Variants in PRKG1 observed in about 807,000 individuals in gnomAD.
PRKG1 encodes cGMP-dependent protein kinase 1.
Under a neutral mutation model 88.1 loss-of-function variants are expected in PRKG1, and 35 were observed. The observed-to-expected ratio is 0.40, with a 90% CI of 0.30 to 0.53. The LOEUF (loss-of-function observed/expected upper bound fraction) is 0.53. PRKG1 is among the 20% of genes least tolerant of loss of function. PRKG1 has a pLI of 0.59. For missense variants in PRKG1, 540 were observed against 839.8 expected (o/e 0.64, Z 4.41); for synonymous variants, 303 against 292.5 (o/e 1.04, Z -0.37).
intron 5 of PRKG1, among the ~76,000 whole-genome samples, chr10:51,946,533 T>A (rs1043647277): frequency 3.3e-5 from 5 of 152,080 alleles, no homozygotes; most frequent in Non-Finnish European, 5.9e-5. Flanking sequence ...GAGGAGAGGC[T>A]CTCTGCTTTT....
intron 2 of PRKG1, among the ~76,000 whole-genome samples, chr10:51,242,162 G>A (rs1839172355): frequency 6.6e-6 from 1 of 152,084 alleles, no homozygotes. Flanking sequence ...AGCACATACA[G>A]GATAAAAGAC....
In PRKG1 at chr10:51,701,330, C is replaced by T. The variant is rs1841459959; in HGVS notation, c.593-103255C>T. On this transcript the variant is annotated intron_variant, in intron 3 of 17. Coordinates refer to ENST00000373980, the MANE Select transcript of PRKG1 (RefSeq NM_006258.4). ...AATTGTATTATGTATCTTCAGTATC[C>T]TATTCCAATGAATAGATTTGACATG... is the stretch of plus-strand genomic sequence containing the variant. Among the ~76,000 whole-genome samples the T allele has an allele frequency of 2.6e-5, 4 of 152,252 alleles. No homozygotes were observed. The South Asian group carries it at 8.3e-4, about 32-fold the overall frequency.
intron 2 of PRKG1, among the ~76,000 whole-genome samples, chr10:51,384,813 C>T (rs1431708853): frequency 1.2e-4 from 18 of 152,134 alleles, no homozygotes; most frequent in Admixed American, 1.2e-3. Context: ...CCCCGTAGCT[C>T]TTATAATGAT....
At chr10:51,792,314 G>GA (rs1037596493) in intron 3 of PRKG1, among the ~76,000 whole-genome samples, 1 of 151,804 alleles carries the variant, frequency 6.6e-6, no homozygotes, top group Non-Finnish European at 1.5e-5. Context: ...ATTTCTTAGA[G>GA]AAAAAAAATT....
At chr10:51,946,320 T>C (rs1843033287) in intron 5 of PRKG1, among the ~76,000 whole-genome samples, 1 of 152,108 alleles carries the variant, frequency 6.6e-6, no homozygotes, top group African/African-American at 2.4e-5. Flanking sequence ...TCAGCTCCTT[T>C]AAGCACTTCT....
intron 1 of PRKG1, among the ~76,000 whole-genome samples, chr10:51,027,205 T>G (rs903672315): frequency 6.6e-6 from 1 of 152,188 alleles, no homozygotes; most frequent in African/African-American, 2.4e-5. Flanking sequence ...AACACTCTGC[T>G]GGGGAAATGT....
At chr10:51,178,703 T>C (rs1033257090) in intron 2 of PRKG1, among the ~76,000 whole-genome samples, 3 of 152,150 alleles carry the variant, frequency 2.0e-5, no homozygotes, top group African/African-American at 7.2e-5. Context: ...AACATGTTTA[T>C]ACTGTGGTGG....
chr10:52,170,427 A>G (rs1008221532), intron 9 of PRKG1, among the ~76,000 whole-genome samples: 1 of 152,182 alleles, frequency 6.6e-6, no homozygotes, highest in African/African-American at 2.4e-5. Context: ...AACCAGAGAT[A>G]AGGCTAGTAT....
At chr10:51,374,093 A>ATATATATATATAT (rs1554801054) in intron 2 of PRKG1, among the ~76,000 whole-genome samples, 5 of 100,142 alleles carry the variant, frequency 5.0e-5, no homozygotes, top group Admixed American at 9.9e-5. Context: ...AAAAAAAAAA[A>ATATATATATATAT]ATATATATAT....
chr10:51,847,985 A>T (rs1007531166), intron 4 of PRKG1, among the ~76,000 whole-genome samples: 7 of 148,844 alleles, frequency 4.7e-5, no homozygotes, highest in African/African-American at 1.7e-4. Flanking sequence ...TTTTAAAAGT[A>T]TTTACTACTT....
intron 3 of PRKG1, among the ~76,000 whole-genome samples, chr10:51,754,832 A>G (rs753665117): frequency 2.5e-4 from 38 of 152,248 alleles, no homozygotes; most frequent in Middle Eastern, 3.4e-3. Context: ...AACAAGGGCT[A>G]GTTTAGGTCA....
chr10:51,465,494 A>G (rs1389190949), intron 2 of PRKG1, among the ~76,000 whole-genome samples: 1 of 152,238 alleles, frequency 6.6e-6, no homozygotes, highest in Non-Finnish European at 1.5e-5. Context: ...AAAGCATTGC[A>G]AAATTGTTAC....
intron 4 of PRKG1, among the ~76,000 whole-genome samples, chr10:51,887,316 A>G (rs200028492): frequency 1.9e-5 from 1 of 52,482 alleles, no homozygotes; most frequent in Non-Finnish European, 4.1e-5. Context: ...TATTTCATCT[A>G]TAAGTGACAT....
At chr10:51,279,485 T>A (rs1352269930) in intron 2 of PRKG1, among the ~76,000 whole-genome samples, 1 of 151,756 alleles carries the variant, frequency 6.6e-6, no homozygotes, top group Non-Finnish European at 1.5e-5. Flanking sequence ...GGTGTTAAAG[T>A]CTCCCATTAT....
rs188076640 is a variant in PRKG1 at position 51,962,564 on chromosome 10, G to A, written c.762+54994G>A. Among the ~76,000 whole-genome samples the A allele has an allele frequency of 6.7e-3, 1,020 of 152,214 alleles. 11 individuals carry two copies. The highest frequency in any genetic ancestry group is 0.011 in the Non-Finnish European group (757 of 68,016). ...AACCTCCCTTTGATTTGCAGCTGTG[G>A]TCATGGTCTCTTCCTGTGTTCATTG... On this transcript the variant is annotated intron_variant, in intron 5 of 17. Coordinates refer to ENST00000373980, the MANE Select transcript of PRKG1 (RefSeq NM_006258.4).
At chr10:51,760,774 A>T (rs61849972) in intron 3 of PRKG1, among the ~76,000 whole-genome samples, 6 of 151,890 alleles carry the variant, frequency 4.0e-5, no homozygotes. Context: ...GCCTGGCCAG[A>T]ACTTTTCAAA....
intron 3 of PRKG1, among the ~76,000 whole-genome samples, chr10:51,532,507 C>A: frequency 6.6e-6 from 1 of 152,120 alleles, no homozygotes; most frequent in Non-Finnish European, 1.5e-5. Context: ...ATTTTAATAT[C>A]TTAGTGAGTT....
intron 5 of PRKG1, among the ~76,000 whole-genome samples, chr10:52,002,031 A>G (rs1487336248): frequency 6.6e-6 from 1 of 152,068 alleles, no homozygotes; most frequent in Non-Finnish European, 1.5e-5. Context: ...TAAGCTAATA[A>G]CTATCAGTGA....
Position 51,591,479 on chromosome 10 carries a change from T to C in PRKG1, c.592+123643T>C, listed in dbSNP as rs1239355850. 2.6e-5 allele frequency among the ~76,000 whole-genome samples: 4 copies of C among 152,206 alleles called. No homozygotes were observed. The East Asian group carries it at 7.7e-4, about 29-fold the overall frequency. ...GAGGATTTTCCTCATAGATATCTAT[T>C]CAGTCAGTAAATATGACTGGTTTGA... On this transcript the variant is annotated intron_variant, in intron 3 of 17. Coordinates refer to ENST00000373980, the MANE Select transcript of PRKG1 (RefSeq NM_006258.4).
Sources: allele counts gnomAD v4.1 joint callset (sites outside exome capture counted in the v4.1 genomes callset), GRCh38; gene constraint gnomAD v4.1.1; transcripts MANE v1.5; gene names NCBI Gene and HGNC (gene_info 2026-07-23, HGNC 2026-07-21).